ACOXL: variants seen among roughly 807,000 people sequenced by gnomAD.
The protein encoded by ACOXL is acyl-coenzyme A oxidase-like protein.
Under a neutral mutation model 71.9 loss-of-function variants are expected in ACOXL, and 70 were observed. The observed-to-expected ratio is 0.97, with a 90% confidence interval of 0.80 to 1.19. The LOEUF (loss-of-function observed/expected upper bound fraction) is 1.19, where lower values mean the gene tolerates loss of function less well. ACOXL is among the 50% of genes most tolerant of loss of function. The pLI, the probability that ACOXL is intolerant of heterozygous loss-of-function variation, is 0.00. For synonymous variants in ACOXL, 253 were observed against 281.6 expected (o/e 0.90, Z 1.02); for missense variants, 703 against 736.3 (o/e 0.95, Z 0.52).
intron 16 of ACOXL, among the ~76,000 whole-genome samples, chr2:111,071,186 G>T (rs1035379781): frequency 1.3e-5 from 2 of 152,162 alleles, no homozygotes; most frequent in Admixed American, 1.3e-4. Context: ...TCTCCAAGCA[G>T]TTTGGAAGGA....
chr2:110,968,803 A>C, intron 12 of ACOXL: 1 of 403,770 alleles, frequency 2.5e-6, no homozygotes, highest in Non-Finnish European at 4.4e-6. Context: ...AGAACTGAAA[A>C]ACATAACCAG....
chr2:111,013,922 G>A (rs906400768), intron 14 of ACOXL, among the ~76,000 whole-genome samples: 8 of 152,136 alleles, frequency 5.3e-5, no homozygotes, highest in Admixed American at 2.6e-4. Context: ...ATAAGAATGC[G>A]AGGTTGGTTT....
intron 10 of ACOXL, among the ~76,000 whole-genome samples, chr2:110,900,131 T>A (rs929977606): frequency 4.6e-5 from 5 of 109,670 alleles, no homozygotes; most frequent in African/African-American, 1.0e-4. Flanking sequence ...ACACACACAC[T>A]TCTTCTAAAA....
chr2:111,051,012 C>A (rs2066265701), intron 16 of ACOXL, among the ~76,000 whole-genome samples: 1 of 152,156 alleles, frequency 6.6e-6, no homozygotes, highest in Admixed American at 6.5e-5. Context: ...TTTGCGTGAC[C>A]TCCAGTGGCG....
intron 14 of ACOXL, among the ~76,000 whole-genome samples, chr2:111,001,685 T>C (rs1469409471): frequency 6.6e-6 from 1 of 152,228 alleles, no homozygotes; most frequent in African/African-American, 2.4e-5. Context: ...CCCACCATTA[T>C]ATATTGGAGG....
At chr2:111,109,450 TTTTCTC>T (rs1258023413) in intron 17 of ACOXL, among the ~76,000 whole-genome samples, 1 of 152,156 alleles carries the variant, frequency 6.6e-6, no homozygotes, top group African/African-American at 2.4e-5. Context: ...GTTCATTTTT[TTTTCTC>T]TTTGCCCCAT....
At chr2:111,067,546 A>G (rs1313123421) in intron 16 of ACOXL, among the ~76,000 whole-genome samples, 1 of 152,242 alleles carries the variant, frequency 6.6e-6, no homozygotes, top group African/African-American at 2.4e-5. Context: ...GAAGAAGGTG[A>G]GAGAACATAC....
At chr2:110,854,555 G>A (rs887595451) in intron 10 of ACOXL, among the ~76,000 whole-genome samples, 5 of 152,222 alleles carry the variant, frequency 3.3e-5, no homozygotes, top group Non-Finnish European at 4.4e-5. Context: ...GGGATAAAGT[G>A]CTGTTTGGAG....
chr2:110,771,110 G>C (rs942119939), intron 2 of ACOXL, among the ~76,000 whole-genome samples: 1 of 152,086 alleles, frequency 6.6e-6, no homozygotes, highest in Non-Finnish European at 1.5e-5. Flanking sequence ...GAATTATCTC[G>C]GCCTGTTTGG....
chr2:110,928,007 T>G (rs2060341599), intron 11 of ACOXL, among the ~76,000 whole-genome samples: 1 of 152,152 alleles, frequency 6.6e-6, no homozygotes, highest in African/African-American at 2.4e-5. Context: ...ATATTTGCAG[T>G]CCACCAGCCA....
Position 111,117,600 on chromosome 2 carries a change from G to T in ACOXL, c.1543-16G>T. 2 of 1,551,718 alleles carry T rather than the reference G, an allele frequency of 1.3e-6. No homozygotes were observed. The highest frequency in any genetic ancestry group is 1.7e-6 in the Non-Finnish European group (2 of 1,146,954). On this transcript the variant is annotated splice_polypyrimidine_tract_variant and intron_variant, in intron 17 of 17. Transcript: ENST00000439055. ...GTGCCAACATCTGACCTGTCCCATTGTGTTGTGTTTTGCAGTTGCTGGATT... is the reference window on the plus strand; with the variant it reads ...GTGCCAACATCTGACCTGTCCCATTTTGTTGTGTTTTGCAGTTGCTGGATT...
At chr2:111,038,612 C>T (rs1016060768) in intron 15 of ACOXL, among the ~76,000 whole-genome samples, 1 of 152,166 alleles carries the variant, frequency 6.6e-6, no homozygotes, top group Non-Finnish European at 1.5e-5. Flanking sequence ...ACCAAGTATA[C>T]TGTATTTGTG....
chr2:110,995,638 A>G (rs548948269), intron 13 of ACOXL, among the ~76,000 whole-genome samples: 2 of 152,242 alleles, frequency 1.3e-5, no homozygotes, highest in Non-Finnish European at 2.9e-5. Context: ...TTATAATACA[A>G]TAGTAAGTGG....
intron 17 of ACOXL, among the ~76,000 whole-genome samples, chr2:111,107,764 A>G (rs1009607045): frequency 6.6e-6 from 1 of 152,266 alleles, no homozygotes; most frequent in Non-Finnish European, 1.5e-5. Flanking sequence ...TTAGGATTAC[A>G]GGCGTGAGTC....
intron 12 of ACOXL, among the ~76,000 whole-genome samples, chr2:110,937,705 C>T (rs2060716058): frequency 6.6e-6 from 1 of 152,192 alleles, no homozygotes; most frequent in South Asian, 2.1e-4. Context: ...CAAAGACCAT[C>T]TCTTTTTTTG....
intron 10 of ACOXL, among the ~76,000 whole-genome samples, chr2:110,844,467 C>T: frequency 6.6e-6 from 1 of 151,996 alleles, no homozygotes; most frequent in Non-Finnish European, 1.5e-5. Context: ...GCTTTTCTTC[C>T]CCTCGGCCAC....
At position 110,811,693 on chromosome 2, in the gene ACOXL, T is replaced by C. The variant is rs116975608; in HGVS notation, c.753+6298T>C. Among the ~76,000 whole-genome samples the C allele has an allele frequency of 1.0e-3, 153 of 146,970 alleles. 1 individual carries two copies. In the East Asian group the frequency reaches 0.022, roughly 22 times the overall value. Reference sequence around the variant, plus strand: ...TGGGGTCACATTGCTCATCCTGTTCTGCTCAGACTGACGTTATCCTTTTTG... The same window carrying C: ...TGGGGTCACATTGCTCATCCTGTTCCGCTCAGACTGACGTTATCCTTTTTG... On this transcript the variant is annotated intron_variant, in intron 9 of 17. Coordinates refer to ENST00000439055, the MANE Select transcript of ACOXL (RefSeq NM_001142807.4).
At chr2:111,116,491 C>T (rs2070362628) in intron 17 of ACOXL, among the ~76,000 whole-genome samples, 1 of 119,574 alleles carries the variant, frequency 8.4e-6, no homozygotes, top group South Asian at 2.4e-4. Flanking sequence ...TCACTGAAAA[C>T]CTGAAATGCT....
intron 10 of ACOXL, among the ~76,000 whole-genome samples, chr2:110,854,319 C>CG (rs1303339020): frequency 6.6e-6 from 1 of 152,136 alleles, no homozygotes; most frequent in African/African-American, 2.4e-5. Flanking sequence ...TCTTTGTGAT[C>CG]GTCCAGGCAG....
Sources: allele counts gnomAD v4.1 joint callset (sites outside exome capture counted in the v4.1 genomes callset), GRCh38; gene constraint gnomAD v4.1.1; transcripts MANE v1.5; gene names NCBI Gene and HGNC (gene_info 2026-07-23, HGNC 2026-07-21).